WDFY1: variants seen among roughly 807,000 people sequenced by gnomAD.
The protein encoded by WDFY1 is WD repeat and FYVE domain-containing protein 1.
A neutral mutation model predicts 56.4 loss-of-function variants in WDFY1; 32 were observed. The ratio of observed to expected loss-of-function variants is 0.57; its 90% CI spans 0.43 to 0.76. The LOEUF (loss-of-function observed/expected upper bound fraction) is 0.76. WDFY1 is among the 30% of genes least tolerant of loss of function. WDFY1 has a pLI of 0.00. For missense variants in WDFY1, 480 were observed against 545.7 expected (o/e 0.88, Z 1.20); for synonymous variants, 192 against 197.3 (o/e 0.97, Z 0.23).
chr2:223,893,886 T>G (rs752762023), intron 8 of WDFY1, among the ~76,000 whole-genome samples: 2 of 152,250 alleles, frequency 1.3e-5, no homozygotes, highest in Non-Finnish European at 2.9e-5. Context: ...CCTACAGGAA[T>G]GCTACGGGAC....
intron 4 of WDFY1, among the ~76,000 whole-genome samples, chr2:223,905,282 G>A (rs549363287): frequency 1.5e-3 from 235 of 152,174 alleles, no homozygotes; most frequent in South Asian, 5.2e-3. Flanking sequence ...TGTCTGACCC[G>A]GTTATTCCAC....
intron 6 of WDFY1, among the ~76,000 whole-genome samples, chr2:223,895,933 G>GA (rs1693359924): frequency 6.6e-6 from 1 of 151,822 alleles, no homozygotes; most frequent in South Asian, 2.1e-4. Flanking sequence ...CAAGGAGGGC[G>GA]AATCACTTGA....
At chr2:223,886,177 A>G (rs1693171431) in intron 8 of WDFY1, among the ~76,000 whole-genome samples, 1 of 151,084 alleles carries the variant, frequency 6.6e-6, no homozygotes, top group African/African-American at 2.4e-5. Context: ...CGTCTTTATT[A>G]AAAATACAAA....
Position 223,888,015 on chromosome 2 carries a change from C to T in WDFY1, c.832-3266G>A, listed in dbSNP as rs368563788. Among the ~76,000 whole-genome samples, 148 of 152,284 alleles carry T rather than the reference C, an allele frequency of 9.7e-4. 1 individual carries two copies. In the Middle Eastern group the frequency reaches 0.01, roughly 10 times the overall value. ...AATACAAAATTGTATTACCATGAAA[C>T]ACACATGCAACATTTGTGGTCAGAA... On this transcript the variant is annotated intron_variant, in intron 8 of 11. Coordinates refer to ENST00000233055, the MANE Select transcript of WDFY1 (RefSeq NM_020830.5).
intron 5 of WDFY1, 144 bp downstream of exon 5, chr2:223,901,038 TA>T (rs5839028): frequency 0.89 from 692,600 of 780,190 alleles, 304,930 homozygotes; most frequent in Admixed American, 0.92. Context: ...CTTTCCATGG[TA>T]AAAAAAAAAA....
chr2:223,935,127 T>C (rs1694147340), intron 1 of WDFY1, among the ~76,000 whole-genome samples: 1 of 152,128 alleles, frequency 6.6e-6, no homozygotes, highest in Non-Finnish European at 1.5e-5. Flanking sequence ...AACCATAACC[T>C]AGAAACCAAA....
chr2:223,941,538 C>T (rs933636818), intron 1 of WDFY1, among the ~76,000 whole-genome samples: 5 of 152,170 alleles, frequency 3.3e-5, no homozygotes, highest in African/African-American at 1.2e-4. Flanking sequence ...ACCCCGGCCC[C>T]AGCCCAAAGA....
At chr2:223,910,638 A>T (rs1693681904) in intron 3 of WDFY1, among the ~76,000 whole-genome samples, 1 of 152,168 alleles carries the variant, frequency 6.6e-6, no homozygotes, top group Non-Finnish European at 1.5e-5. Context: ...ACCAACAAGT[A>T]CCTAAGAAGA....
At chr2:223,937,102 G>A (rs1694178507) in intron 1 of WDFY1, among the ~76,000 whole-genome samples, 1 of 152,216 alleles carries the variant, frequency 6.6e-6, no homozygotes, top group African/African-American at 2.4e-5. Flanking sequence ...GGGGAAAGAT[G>A]TCTAAGTGAA....
At chr2:223,894,154 C>A in intron 8 of WDFY1, 80 bp downstream of exon 8, 1 of 1,409,844 alleles carries the variant, frequency 7.1e-7, no homozygotes, top group Non-Finnish European at 9.9e-7. Context: ...GCATTTACAG[C>A]TTGCGGGGTG....
At chr2:223,942,576 C>G (rs1209526345) in intron 1 of WDFY1, among the ~76,000 whole-genome samples, 3 of 103,156 alleles carry the variant, frequency 2.9e-5, no homozygotes, top group African/African-American at 1.1e-4. Context: ...TCGCCCAGGC[C>G]GGACTGCGGA....
chr2:223,909,618 C>A (rs529762911), intron 3 of WDFY1, among the ~76,000 whole-genome samples: 10 of 152,274 alleles, frequency 6.6e-5, no homozygotes, highest in South Asian at 2.1e-4. Context: ...CTGCCTCCCC[C>A]ACCCAGCCTT....
intron 1 of WDFY1, among the ~76,000 whole-genome samples, chr2:223,920,585 C>T (rs965956156): frequency 1.3e-5 from 2 of 152,258 alleles, no homozygotes; most frequent in Non-Finnish European, 2.9e-5. Context: ...CCACAGTCTC[C>T]TTTCAGGAGT....
chr2:223,944,916 G>C (rs1430149082), intron 1 of WDFY1, among the ~76,000 whole-genome samples: 2 of 151,644 alleles, frequency 1.3e-5, no homozygotes, highest in African/African-American at 4.9e-5. Flanking sequence ...GGGGATCCGG[G>C]CTGGAGGGGC....
At chr2:223,942,019 G>A (rs1215359401) in intron 1 of WDFY1, among the ~76,000 whole-genome samples, 2 of 152,114 alleles carry the variant, frequency 1.3e-5, no homozygotes, top group African/African-American at 2.4e-5. Flanking sequence ...TCATCTACCT[G>A]GGCTCTGCAA....
chr2:223,931,453 A>C (rs998488039), intron 1 of WDFY1, among the ~76,000 whole-genome samples: 2 of 152,208 alleles, frequency 1.3e-5, no homozygotes, highest in Non-Finnish European at 2.9e-5. Flanking sequence ...ATGCCTGATG[A>C]TCATAATAAG....
intron 3 of WDFY1, among the ~76,000 whole-genome samples, chr2:223,906,210 T>G (rs919927900): frequency 6.6e-6 from 1 of 152,206 alleles, no homozygotes; most frequent in South Asian, 2.1e-4. Flanking sequence ...CCGAATTGAA[T>G]AAAGTAAGTG....
intron 4 of WDFY1, among the ~76,000 whole-genome samples, chr2:223,904,086 G>T (rs577545058): frequency 6.6e-6 from 1 of 152,272 alleles, no homozygotes; most frequent in South Asian, 2.1e-4. Context: ...CATGATGGCT[G>T]AGAATTCAAA....
Position 223,896,155 on chromosome 2 carries a change from C to CAAAAAAAAAAAAAAAAAAAAAAAAA in WDFY1, c.599-550_599-526dup, listed in dbSNP as rs71058956. On this transcript the variant is annotated intron_variant, in intron 6 of 11. Coordinates refer to ENST00000233055, the MANE Select transcript of WDFY1 (RefSeq NM_020830.5). Reference sequence around the variant, plus strand: ...TGGGTGACAGAGTGAGACTCTGTCTCAAAAAAAAAAAAAAAAAAAAAAAAA... The same window carrying CAAAAAAAAAAAAAAAAAAAAAAAAA: ...TGGGTGACAGAGTGAGACTCTGTCTCAAAAAAAAAAAAAAAAAAAAAAAAAAAAAAAAAAAAAAAAAAAAAAAAAA... Among the ~76,000 whole-genome samples the CAAAAAAAAAAAAAAAAAAAAAAAAA allele has an allele frequency of 5.3e-4, 21 of 39,838 alleles. 2 individuals are homozygous for CAAAAAAAAAAAAAAAAAAAAAAAAA. Among genetic ancestry groups the CAAAAAAAAAAAAAAAAAAAAAAAAA allele is most frequent in the Non-Finnish European group, 5.4e-4 (13 of 24,078 alleles). 26.1% of individuals were successfully genotyped at this position (39,838 alleles called of 152,430 possible). A position where few individuals can be genotyped will look rare whatever the true frequency, so the allele number is the denominator to read the frequency against.
Sources: gnomAD v4.1 joint callset for allele counts (sites outside exome capture counted in the v4.1 genomes callset) on GRCh38, gnomAD v4.1.1 for gene constraint, MANE v1.5 for transcripts, NCBI Gene and HGNC (gene_info 2026-07-23, HGNC 2026-07-21) for gene names.